SKP1: variants seen among roughly 807,000 people sequenced by gnomAD.
The protein encoded by SKP1 is S-phase kinase-associated protein 1.
A neutral mutation model predicts 21.5 loss-of-function variants in SKP1; 1 was observed. The observed-to-expected ratio is 0.05, with a 90% CI of 0.02 to 0.22. The LOEUF is 0.22. SKP1 is among the 10% of genes least tolerant of loss of function. The pLI is 1.00. For synonymous variants in SKP1, 59 were observed against 59.3 expected, an observed-to-expected ratio of 0.99 and a Z score of 0.03; for missense variants, 70 against 192.0, an observed-to-expected ratio of 0.36 and a Z score of 3.76.
At chr5:134,171,564 C>G (rs1038041362) in intron 2 of SKP1, among the ~76,000 whole-genome samples, 3 of 152,104 alleles carry the variant, frequency 2.0e-5, no homozygotes, top group Non-Finnish European at 4.4e-5. Flanking sequence ...GAAGGAATCT[C>G]AAACATGGTT....
In SKP1 at chr5:134,149,080, T is replaced by C. The variant is rs1760993461; in HGVS notation, c.*8653A>G. The C allele has an allele frequency of 6.6e-6, 1 of 152,126 alleles. No individual in the cohort carries two copies. Among genetic ancestry groups the C allele is most frequent in the Non-Finnish European group, 1.5e-5 (1 of 68,006 alleles). 9.4% of individuals were successfully genotyped at this position (152,126 alleles called of 1,614,324 possible). ...GCTATTTTTAGATTATTTGTATACA[T>C]TTAGGGGGTACAAGTGCAGCTGTGT... On this transcript the variant is annotated 3_prime_UTR_variant, in exon 6 of 6. Transcript: ENST00000353411.
chr5:134,172,523 G>A (rs1761461213), intron 2 of SKP1, among the ~76,000 whole-genome samples: 1 of 150,782 alleles, frequency 6.6e-6, no homozygotes, highest in South Asian at 2.1e-4. Flanking sequence ...TATATACTTT[G>A]TAGTAGTTTC....
In SKP1 at chr5:134,151,454, CAGTT is replaced by C. The variant is rs1486846250; in HGVS notation, c.*6275_*6278del. On this transcript the variant is annotated 3_prime_UTR_variant, in exon 6 of 6. Coordinates refer to ENST00000353411, the MANE Select transcript of SKP1 (RefSeq NM_170679.3). ...AAATCTGCAAAGCAACTGAAGAAGG[CAGTT>C]AGAGGTTGTGAAATGGTACATTCAG... is the stretch of plus-strand genomic sequence containing the variant. 2 of 279,824 alleles carry C rather than the reference CAGTT, an allele frequency of 7.1e-6. No homozygotes were observed. Among genetic ancestry groups the C allele is most frequent in the African/African-American group, 4.4e-5 (2 of 45,638 alleles). The allele number at this position is 279,824 out of a possible 1,614,324, so 17.3% of individuals were successfully genotyped here. A position where few individuals can be genotyped will look rare whatever the true frequency, so the allele number is the denominator to read the frequency against.
At chr5:134,170,732 G>A (rs911561810) in intron 2 of SKP1, among the ~76,000 whole-genome samples, 1 of 152,160 alleles carries the variant, frequency 6.6e-6, no homozygotes, top group Admixed American at 6.5e-5. Context: ...GTTGCTAACT[G>A]CCTATCCGTC....
intron 3 of SKP1, among the ~76,000 whole-genome samples, chr5:134,166,249 A>C (rs1262358328): frequency 9.3e-6 from 1 of 107,732 alleles, no homozygotes; most frequent in Non-Finnish European, 1.7e-5. Flanking sequence ...TGTTATATGG[A>C]AAAAAAAAAA....
chr5:134,158,314 G>GT (rs1318400925), intron 5 of SKP1, 141 bp downstream of exon 5: 11 of 1,544,340 alleles, frequency 7.1e-6, no homozygotes, highest in Non-Finnish European at 9.6e-6. Context: ...AACAGTAAGA[G>GT]TATGTTTAAG....
chr5:134,158,050 T>C, intron 5 of SKP1: 3 of 1,460,390 alleles, frequency 2.1e-6, no homozygotes, highest in African/African-American at 1.4e-5. Context: ...TTTCAGTCTG[T>C]AGTCATGTCA....
chr5:134,159,617 G>A (rs776170194), intron 4 of SKP1, among the ~76,000 whole-genome samples: 9 of 151,292 alleles, frequency 5.9e-5, no homozygotes, highest in Non-Finnish European at 1.0e-4. Flanking sequence ...GTGCGATATC[G>A]GCTCACTGCA....
chr5:134,174,425 T>C (rs12173146), intron 1 of SKP1: 67,829 of 925,242 alleles, frequency 0.073, 4,724 homozygotes, highest in African/African-American at 0.33. Flanking sequence ...ACAACGCTAC[T>C]AAATAAGATA....
At position 134,155,121 on chromosome 5, in the gene SKP1, C is replaced by T. The variant is rs1481943768; in HGVS notation, c.*2612G>A. 1 of 152,106 alleles carries T rather than the reference C, an allele frequency of 6.6e-6. No individual in the cohort carries two copies. Among genetic ancestry groups the T allele is most frequent in the Non-Finnish European group, 1.5e-5 (1 of 68,026 alleles). The allele number at this position is 152,106 out of a possible 1,614,324, so 9.4% of individuals were successfully genotyped here. Reference sequence around the variant, plus strand: ...TCTATAAAACCGTAGTACCTATTTCCAACTTGCCCAAGGCCATGAAGACAC... The same window carrying T: ...TCTATAAAACCGTAGTACCTATTTCTAACTTGCCCAAGGCCATGAAGACAC... On this transcript the variant is annotated 3_prime_UTR_variant, in exon 6 of 6. Transcript: ENST00000353411.
intron 3 of SKP1, among the ~76,000 whole-genome samples, chr5:134,164,318 T>C (rs1434649983): frequency 1.1e-5 from 1 of 88,276 alleles, no homozygotes; most frequent in Non-Finnish European, 2.0e-5. Flanking sequence ...AAACTCCATC[T>C]CAAGAAAAAA....
intron 3 of SKP1, among the ~76,000 whole-genome samples, chr5:134,162,164 G>A (rs1402019644): frequency 6.6e-6 from 1 of 151,992 alleles, no homozygotes; most frequent in Admixed American, 6.6e-5. Context: ...CTGGAATGCA[G>A]TGCCGCGATC....
chr5:134,152,822 G>A lies in SKP1; in HGVS notation c.*4911C>T, dbSNP rs1407425140. 3 of 152,564 alleles carry A rather than the reference G, an allele frequency of 2.0e-5. No individual in the cohort carries two copies. The highest frequency in any genetic ancestry group is 7.2e-5 in the African/African-American group (3 of 41,464). The allele number at this position is 152,564 out of a possible 1,614,324, so 9.5% of individuals were successfully genotyped here. A position where few individuals can be genotyped will look rare whatever the true frequency, so the allele number is the denominator to read the frequency against. On this transcript the variant is annotated 3_prime_UTR_variant, in exon 6 of 6. Transcript: ENST00000353411. ...CTGAAAATGTTGGGATTACAGGCGT[G>A]AGCCACCGTGCCCAGCCCAGGAACA...
chr5:134,171,466 AAC>A (rs1761439161), intron 2 of SKP1, among the ~76,000 whole-genome samples: 1 of 152,162 alleles, frequency 6.6e-6, no homozygotes, highest in African/African-American at 2.4e-5. Context: ...CAATATATAA[AAC>A]AAGTCTACTT....
chr5:134,165,665 T>A (rs966574443), intron 3 of SKP1, among the ~76,000 whole-genome samples: 1 of 146,564 alleles, frequency 6.8e-6, no homozygotes, highest in Non-Finnish European at 1.5e-5. Context: ...GGTGGGCAGA[T>A]CACAAGGTCA....
intron 2 of SKP1, among the ~76,000 whole-genome samples, chr5:134,167,673 G>A (rs4958218): frequency 0.024 from 3,619 of 152,074 alleles, 53 homozygotes; most frequent in Non-Finnish European, 0.038. Context: ...ATAGGCACCC[G>A]CCACCACGCC....
intron 2 of SKP1, 101 bp from the exon 3 acceptor site, chr5:134,167,344 G>T: frequency 1.3e-6 from 1 of 757,670 alleles, no homozygotes; most frequent in South Asian, 1.6e-5. Context: ...CCATATCCAT[G>T]AGTTCTACAT....
intron 4 of SKP1, among the ~76,000 whole-genome samples, chr5:134,159,547 ATTTT>A (rs1166778296): frequency 1.5e-5 from 2 of 134,444 alleles, no homozygotes; most frequent in Non-Finnish European, 3.3e-5. Context: ...CACCCAGCTA[ATTTT>A]TTTTTTTTTT....
chr5:134,167,806 G>A (rs1448906079), intron 2 of SKP1, among the ~76,000 whole-genome samples: 1 of 152,204 alleles, frequency 6.6e-6, no homozygotes, highest in Non-Finnish European at 1.5e-5. Flanking sequence ...TTACAGGCGT[G>A]AGCCACCGCG....
Sources: allele counts gnomAD v4.1 joint callset (sites outside exome capture counted in the v4.1 genomes callset), GRCh38; gene constraint gnomAD v4.1.1; transcripts MANE v1.5; gene names NCBI Gene and HGNC (gene_info 2026-07-23, HGNC 2026-07-21).